The following SCFD2 variants were observed in gnomAD, a reference collection of about 807,000 sequenced individuals.
SCFD2 encodes the protein sec1 family domain-containing protein 2.
A neutral mutation model predicts 58.9 loss-of-function variants in SCFD2; 54 were observed. That is an observed-to-expected ratio of 0.92 (90% CI 0.74 to 1.15). The LOEUF (loss-of-function observed/expected upper bound fraction) is 1.15, where lower values mean the gene tolerates loss of function less well. Ranked by LOEUF, SCFD2 falls within the 50% of genes most tolerant of loss-of-function variation. The pLI, the probability that SCFD2 is intolerant of heterozygous loss-of-function variation, is 0.00. For missense variants in SCFD2, 805 were observed against 836.6 expected (o/e 0.96, Z 0.47); for synonymous variants, 321 against 335.9 (o/e 0.96, Z 0.49).
chr4:52,918,826 A>G (rs944698998), intron 6 of SCFD2, among the ~76,000 whole-genome samples: 4 of 152,164 alleles, frequency 2.6e-5, no homozygotes, highest in Non-Finnish European at 5.9e-5. Flanking sequence ...AAGGATTCAA[A>G]CACACACCCT....
chr4:53,313,310 A>G (rs1384090442), intron 3 of SCFD2, among the ~76,000 whole-genome samples: 5 of 152,130 alleles, frequency 3.3e-5, no homozygotes, highest in African/African-American at 2.4e-5. Flanking sequence ...AGAATGGGGG[A>G]AAAAAGGGAG....
intron 4 of SCFD2, among the ~76,000 whole-genome samples, chr4:53,170,591 G>C (rs1727151106): frequency 6.6e-6 from 1 of 152,140 alleles, no homozygotes; most frequent in Non-Finnish European, 1.5e-5. Context: ...AAATTTGATA[G>C]AAATTGCACT....
At chr4:52,920,925 T>C (rs1020181368) in intron 5 of SCFD2, 55 bp from the exon 6 acceptor site, 3 of 1,203,240 alleles carry the variant, frequency 2.5e-6, no homozygotes, top group East Asian at 2.6e-5. Flanking sequence ...GTTTTCATCA[T>C]GACAGCTTGA....
At chr4:53,277,526 GT>G (rs1317198380) in intron 3 of SCFD2, among the ~76,000 whole-genome samples, 2 of 152,162 alleles carry the variant, frequency 1.3e-5, no homozygotes, top group Non-Finnish European at 2.9e-5. Flanking sequence ...TGTCTTGAAG[GT>G]GTGAAAGGCT....
chr4:53,246,968 A>G (rs964099800), intron 4 of SCFD2, among the ~76,000 whole-genome samples: 35 of 151,160 alleles, frequency 2.3e-4, no homozygotes, highest in African/African-American at 7.5e-4. Flanking sequence ...TCTAATGTCC[A>G]ACATCTGTAA....
intron 5 of SCFD2, among the ~76,000 whole-genome samples, chr4:53,011,951 C>G (rs1024896521): frequency 6.7e-6 from 1 of 150,274 alleles, no homozygotes; most frequent in Non-Finnish European, 1.5e-5. Flanking sequence ...GAACACAAAT[C>G]TGGGGATTTT....
chr4:52,882,019 AGAG>A (rs1215479973), intron 8 of SCFD2, among the ~76,000 whole-genome samples: 1 of 152,060 alleles, frequency 6.6e-6, no homozygotes, highest in Admixed American at 6.5e-5. Flanking sequence ...GCCATGGTAG[AGAG>A]GAGGAGGAGG....
At chr4:53,072,526 G>T (rs1723847578) in intron 5 of SCFD2, among the ~76,000 whole-genome samples, 1 of 151,904 alleles carries the variant, frequency 6.6e-6, no homozygotes, top group African/African-American at 2.4e-5. Flanking sequence ...TGAAGAAACA[G>T]GCAACATGGC....
At chr4:53,332,949 C>T (rs1316394851) in intron 2 of SCFD2, among the ~76,000 whole-genome samples, 1 of 151,250 alleles carries the variant, frequency 6.6e-6, no homozygotes. Context: ...TCTTATACAC[C>T]AATAACAGAC....
At chr4:53,132,455 G>A (rs1725812239) in intron 5 of SCFD2, among the ~76,000 whole-genome samples, 1 of 151,772 alleles carries the variant, frequency 6.6e-6, no homozygotes, top group South Asian at 2.1e-4. Context: ...GCTGTTTTTT[G>A]TTTTCTTTTG....
At chr4:53,326,835 T>C (rs1476128068) in intron 2 of SCFD2, among the ~76,000 whole-genome samples, 2 of 152,152 alleles carry the variant, frequency 1.3e-5, no homozygotes, top group Non-Finnish European at 2.9e-5. Flanking sequence ...TAGTTGTCAT[T>C]AATCTGTATT....
chr4:53,039,525 T>C (rs116128140), intron 5 of SCFD2, among the ~76,000 whole-genome samples: 1,738 of 152,242 alleles, frequency 0.011, 17 homozygotes, highest in Middle Eastern at 0.034. Flanking sequence ...CAAATTTCTA[T>C]TGGGCCAATC....
At chr4:53,067,832 T>C (rs1723706805) in intron 5 of SCFD2, among the ~76,000 whole-genome samples, 1 of 152,018 alleles carries the variant, frequency 6.6e-6, no homozygotes, top group South Asian at 2.1e-4. Flanking sequence ...AGAACAGAGG[T>C]TATAACCAGC....
At chr4:53,295,764 G>C (rs1371733508) in intron 3 of SCFD2, among the ~76,000 whole-genome samples, 15 of 152,134 alleles carry the variant, frequency 9.9e-5, no homozygotes, top group East Asian at 1.9e-4. Flanking sequence ...TATGATATTG[G>C]CTGTGGGTAT....
At chr4:53,204,666 T>G (rs1028649603) in intron 4 of SCFD2, among the ~76,000 whole-genome samples, 5 of 147,784 alleles carry the variant, frequency 3.4e-5, no homozygotes, top group Non-Finnish European at 7.4e-5. Flanking sequence ...CAAGAAAATT[T>G]TCCAGAGTTG....
intron 4 of SCFD2, among the ~76,000 whole-genome samples, chr4:53,188,426 T>A (rs1347268277): frequency 2.4e-5 from 3 of 126,232 alleles, no homozygotes; most frequent in Non-Finnish European, 4.9e-5. Flanking sequence ...CTGGTGTGTG[T>A]GTGTGTGTGT....
chr4:53,152,713 G>A (rs1051871541), intron 4 of SCFD2, among the ~76,000 whole-genome samples: 1 of 152,072 alleles, frequency 6.6e-6, no homozygotes, highest in Admixed American at 6.5e-5. Flanking sequence ...TCTCATCATA[G>A]ACTCAAAGTA....
chr4:53,183,460 A>T (rs1727644231), intron 4 of SCFD2, among the ~76,000 whole-genome samples: 3 of 152,028 alleles, frequency 2.0e-5, no homozygotes, highest in Non-Finnish European at 4.4e-5. Context: ...CAATGAGAAC[A>T]CATGGACACA....
chr4:53,185,671 A>C (rs1319797470), intron 4 of SCFD2, among the ~76,000 whole-genome samples: 1 of 152,122 alleles, frequency 6.6e-6, no homozygotes, highest in African/African-American at 2.4e-5. Context: ...AATAAAAGGC[A>C]TACCCATAAC....
Sources: allele counts gnomAD v4.1 joint callset (sites outside exome capture counted in the v4.1 genomes callset), GRCh38; gene constraint gnomAD v4.1.1; transcripts MANE v1.5; gene names NCBI Gene and HGNC (gene_info 2026-07-23, HGNC 2026-07-21).